Variants in BMPR1A observed in about 807,000 individuals in gnomAD.
BMPR1A encodes the protein bone morphogenetic protein receptor type 1A, also known as bone morphogenetic protein receptor type-1A.
BMPR1A carries 7 observed loss-of-function variants against 66.0 expected under a neutral mutation model. The ratio of observed to expected loss-of-function variants is 0.11; its 90% CI spans 0.06 to 0.20. The LOEUF is 0.20. Among genes scored for constraint, BMPR1A ranks in the 10% least tolerant of loss-of-function variants. The pLI is 1.00. For synonymous variants in BMPR1A, 200 were observed against 229.7 expected, an observed-to-expected ratio of 0.87 and a Z score of 1.17; for missense variants, 408 against 669.1, an observed-to-expected ratio of 0.61 and a Z score of 4.31.
chr10:86,775,311 C>T (rs1841328694), intron 1 of BMPR1A, among the ~76,000 whole-genome samples: 1 of 152,170 alleles, frequency 6.6e-6, no homozygotes, highest in Non-Finnish European at 1.5e-5. Context: ...ATAAAACCTG[C>T]CTATTAATCT....
intron 1 of BMPR1A, among the ~76,000 whole-genome samples, chr10:86,771,418 T>C (rs1438069096): frequency 6.6e-6 from 1 of 152,212 alleles, no homozygotes; most frequent in Admixed American, 6.5e-5. Flanking sequence ...CTGACATATT[T>C]CCTTACTCTG....
chr10:86,850,839 G>A (rs966632216), intron 2 of BMPR1A, among the ~76,000 whole-genome samples: 1 of 152,100 alleles, frequency 6.6e-6, no homozygotes, highest in Non-Finnish European at 1.5e-5. Flanking sequence ...TTTAAAGACA[G>A]CCCTTATATG....
intron 2 of BMPR1A, among the ~76,000 whole-genome samples, chr10:86,841,058 C>T (rs1296202281): frequency 6.6e-6 from 1 of 152,180 alleles, no homozygotes; most frequent in Non-Finnish European, 1.5e-5. Flanking sequence ...GCCTGTCTGC[C>T]AGAGTAAGGA....
chr10:86,878,827 A>G (rs376911693), intron 3 of BMPR1A, among the ~76,000 whole-genome samples: 1 of 152,324 alleles, frequency 6.6e-6, no homozygotes, highest in East Asian at 1.9e-4. Flanking sequence ...TCCATTGCCT[A>G]GGGCTGGGTG....
At chr10:86,774,097 G>T (rs1022622440) in intron 1 of BMPR1A, among the ~76,000 whole-genome samples, 7 of 151,996 alleles carry the variant, frequency 4.6e-5, no homozygotes, top group African/African-American at 1.7e-4. Flanking sequence ...ATGATCGCCC[G>T]CCTCGGCCTC....
At chr10:86,791,921 G>A (rs1040135946) in intron 1 of BMPR1A, among the ~76,000 whole-genome samples, 1 of 145,586 alleles carries the variant, frequency 6.9e-6, no homozygotes, top group Non-Finnish European at 1.5e-5. Flanking sequence ...GTTTCACCAC[G>A]TTGGCCAGGC....
At chr10:86,932,425 A>C (rs933140765), downstream of BMPR1A, 7 of 152,268 alleles carry the variant, frequency 4.6e-5, no homozygotes, top group African/African-American at 1.4e-4. Flanking sequence ...TCTGTCACCC[A>C]GGCTGGAGTA....
At chr10:86,901,529 A>C (rs1253809173) in intron 7 of BMPR1A, among the ~76,000 whole-genome samples, 1 of 152,186 alleles carries the variant, frequency 6.6e-6, no homozygotes, top group African/African-American at 2.4e-5. Context: ...TTCTAACCTA[A>C]GAATCAGACT....
At chr10:86,809,607 T>C in intron 1 of BMPR1A, among the ~76,000 whole-genome samples, 1 of 122,322 alleles carries the variant, frequency 8.2e-6, no homozygotes, top group Non-Finnish European at 1.6e-5. Flanking sequence ...TTTTTTTTTT[T>C]TTTTTCTCTT....
At chr10:86,877,293 C>T (rs1250057249) in intron 3 of BMPR1A, among the ~76,000 whole-genome samples, 14 of 151,616 alleles carry the variant, frequency 9.2e-5, no homozygotes, top group Admixed American at 9.2e-4. Context: ...CTGCAAGCTC[C>T]GCCTCCCGGG....
At chr10:86,867,396 G>C (rs1383667591) in intron 2 of BMPR1A, among the ~76,000 whole-genome samples, 2 of 152,218 alleles carry the variant, frequency 1.3e-5, no homozygotes, top group African/African-American at 4.8e-5. Context: ...GGGGTGACCA[G>C]ACCCTCTCCC....
intron 3 of BMPR1A, among the ~76,000 whole-genome samples, chr10:86,877,879 T>C (rs12245245): frequency 0.034 from 5,143 of 152,302 alleles, 303 homozygotes; most frequent in African/African-American, 0.12. Context: ...ATTCTCAGTC[T>C]TCGCCCCAGT....
chr10:86,904,945 A>G (rs1223704521), intron 7 of BMPR1A, among the ~76,000 whole-genome samples: 6 of 152,194 alleles, frequency 3.9e-5, no homozygotes, highest in Non-Finnish European at 7.3e-5. Context: ...GATATATACA[A>G]TCTGTAATTT....
intron 2 of BMPR1A, chr10:86,855,249 G>T: frequency 9.3e-7 from 1 of 1,078,570 alleles, no homozygotes; most frequent in Non-Finnish European, 1.3e-6. Context: ...CAGACACACA[G>T]AAGCATAATT....
intron 2 of BMPR1A, chr10:86,856,136 TTTAA>T: frequency 1.9e-6 from 1 of 521,826 alleles, no homozygotes; most frequent in Non-Finnish European, 3.8e-6. Flanking sequence ...AAATTTTATA[TTTAA>T]TTCCCAGCTT....
At chr10:86,766,387 A>G (rs1297572520) in intron 1 of BMPR1A, among the ~76,000 whole-genome samples, 4 of 152,114 alleles carry the variant, frequency 2.6e-5, no homozygotes, top group South Asian at 2.1e-4. Context: ...GAATAATTAG[A>G]TTATTTCCAT....
intron 2 of BMPR1A, among the ~76,000 whole-genome samples, chr10:86,867,768 T>C (rs192713256): frequency 6.6e-6 from 1 of 152,114 alleles, no homozygotes; most frequent in Admixed American, 6.5e-5. Context: ...TGGTGAAGGG[T>C]ATAAAACACA....
rs140649879 is a variant in BMPR1A, at chr10:86,869,664, G to A, written c.-152-6203G>A. Among the ~76,000 whole-genome samples, 1,063 of 152,186 alleles carry A rather than the reference G, an allele frequency of 7.0e-3. 7 individuals are homozygous for A. Among genetic ancestry groups the A allele is most frequent in the Non-Finnish European group, 9.4e-3 (637 of 68,010 alleles). On this transcript the variant is annotated intron_variant, in intron 2 of 12. Coordinates refer to ENST00000372037, the MANE Select transcript of BMPR1A (RefSeq NM_004329.3). ...CTCAGCTACTCGGGATGCTGAGGCG[G>A]GAGAATCGCTTGAACCCTGGAGGCA...
At chr10:86,760,677 C>T (rs1226454756) in intron 1 of BMPR1A, among the ~76,000 whole-genome samples, 1 of 150,100 alleles carries the variant, frequency 6.7e-6, no homozygotes, top group Non-Finnish European at 1.5e-5. Flanking sequence ...CTGTCCTGAT[C>T]TGACTATTGG....
Sources: gnomAD v4.1 joint callset for allele counts (sites outside exome capture counted in the v4.1 genomes callset) on GRCh38, gnomAD v4.1.1 for gene constraint, MANE v1.5 for transcripts, NCBI Gene and HGNC (gene_info 2026-07-23, HGNC 2026-07-21) for gene names.